Variants in TRDMT1 observed in about 807,000 individuals in gnomAD.
The protein encoded by TRDMT1 is tRNA aspartic acid methyltransferase 1.
TRDMT1 carries 49 observed loss-of-function variants against 51.2 expected under a neutral mutation model. The ratio of observed to expected loss-of-function variants is 0.96; its 90% confidence interval spans 0.76 to 1.21. The LOEUF is 1.21. TRDMT1 is among the 50% of genes most tolerant of loss of function. TRDMT1 has a pLI of 0.00. For synonymous variants in TRDMT1, 187 were observed against 164.6 expected (o/e 1.14, Z -1.04); for missense variants, 534 against 462.3 (o/e 1.16, Z -1.42).
intron 10 of TRDMT1, chr10:17,151,528 A>G: frequency 1.0e-6 from 1 of 985,386 alleles, no homozygotes; most frequent in Non-Finnish European, 1.2e-6. Flanking sequence ...CACATGAGGG[A>G]CAGTTGTGTC....
chr10:17,142,880 CATT>C lies in TRDMT1; in HGVS notation c.*6157_*6159del. ...AGAATTCTCCTTCTGATTCCTCTTGCATTATTTTATAATTATACTTACCCAGAG... is the reference window on the plus strand; with the variant it reads ...AGAATTCTCCTTCTGATTCCTCTTGCATTTTATAATTATACTTACCCAGAG... On this transcript the variant is annotated 3_prime_UTR_variant, in exon 11 of 11. Coordinates refer to ENST00000377799, the MANE Select transcript of TRDMT1 (RefSeq NM_004412.7). 1.5e-6 allele frequency: 1 copy of C among 686,476 alleles called. No homozygotes were observed. The highest frequency in any genetic ancestry group is 1.8e-6 in the Non-Finnish European group (1 of 556,808). 42.5% of individuals were successfully genotyped at this position (686,476 alleles called of 1,614,324 possible).
In TRDMT1 at chr10:17,147,427, CTA is replaced by C. The variant is rs2131362287; in HGVS notation, c.*1611_*1612del. The C allele has an allele frequency of 2.3e-6, 2 of 856,972 alleles. No homozygotes were observed. Among genetic ancestry groups the C allele is most frequent in the East Asian group, 2.4e-4 (2 of 8,164 alleles). The allele number at this position is 856,972 out of a possible 1,614,324, so 53.1% of individuals were successfully genotyped here. A position where few individuals can be genotyped will look rare whatever the true frequency, so the allele number is the denominator to read the frequency against. ...CATAATGTAAAATTTATCATTTTAA[CTA>C]TTTTTAAATATACAGTTGCAGTGGC... is the stretch of plus-strand genomic sequence containing the variant. On this transcript the variant is annotated 3_prime_UTR_variant, in exon 11 of 11. Coordinates refer to ENST00000377799, the MANE Select transcript of TRDMT1 (RefSeq NM_004412.7).
chr10:17,199,603 G>A (rs1481226609), intron 1 of TRDMT1, among the ~76,000 whole-genome samples: 1 of 152,182 alleles, frequency 6.6e-6, no homozygotes, highest in Admixed American at 6.5e-5. Context: ...AGATAAAATT[G>A]AAGAGAAGAC....
At chr10:17,199,140 T>G (rs1845827556) in intron 1 of TRDMT1, among the ~76,000 whole-genome samples, 1 of 152,222 alleles carries the variant, frequency 6.6e-6, no homozygotes, top group Non-Finnish European at 1.5e-5. Flanking sequence ...GCAATGCATT[T>G]TATTACAGGT....
intron 2 of TRDMT1, among the ~76,000 whole-genome samples, chr10:17,174,042 C>T (rs1842356345): frequency 6.6e-6 from 1 of 152,090 alleles, no homozygotes; most frequent in African/African-American, 2.4e-5. Context: ...GCATTACAGG[C>T]GTCAGCCACC....
At chr10:17,165,041 A>G (rs1174978567) in intron 3 of TRDMT1, among the ~76,000 whole-genome samples, 1 of 152,228 alleles carries the variant, frequency 6.6e-6, no homozygotes, top group Non-Finnish European at 1.5e-5. Context: ...TATGGAACCA[A>G]AAAAGAGCCC....
intron 1 of TRDMT1, 146 bp downstream of exon 1, chr10:17,201,425 G>A: frequency 2.7e-6 from 2 of 733,326 alleles, no homozygotes; most frequent in Non-Finnish European, 4.2e-6. Flanking sequence ...CGCAGGAGCT[G>A]TTTCCAGGAC....
intron 1 of TRDMT1, among the ~76,000 whole-genome samples, chr10:17,184,920 G>A (rs1054473553): frequency 1.3e-5 from 2 of 152,118 alleles, no homozygotes; most frequent in African/African-American, 4.8e-5. Flanking sequence ...TTTAGAATAT[G>A]GATATCTGTT....
chr10:17,173,075 T>A, intron 2 of TRDMT1, among the ~76,000 whole-genome samples: 1 of 152,106 alleles, frequency 6.6e-6, no homozygotes, highest in East Asian at 1.9e-4. Flanking sequence ...TAGTGAAGAA[T>A]AATGAATTTT....
At chr10:17,181,216 G>A (rs1297472831) in intron 1 of TRDMT1, among the ~76,000 whole-genome samples, 1 of 152,176 alleles carries the variant, frequency 6.6e-6, no homozygotes, top group African/African-American at 2.4e-5. Context: ...GGAAGAGAGT[G>A]GTAGTTCCCT....
chr10:17,163,689 C>A (rs1840747907), intron 3 of TRDMT1, among the ~76,000 whole-genome samples: 1 of 152,048 alleles, frequency 6.6e-6, no homozygotes, highest in South Asian at 2.1e-4. Flanking sequence ...GGGGATATCA[C>A]CACCGACCCC....
chr10:17,200,639 CA>C (rs1231394657), intron 1 of TRDMT1: 1 of 163,672 alleles, frequency 6.1e-6, no homozygotes, highest in Non-Finnish European at 1.5e-5. Context: ...TCTGTATCCC[CA>C]GCTCCTAGCA....
chr10:17,190,751 C>A (rs1844586716), intron 1 of TRDMT1, among the ~76,000 whole-genome samples: 1 of 152,162 alleles, frequency 6.6e-6, no homozygotes, highest in Admixed American at 6.5e-5. Context: ...AGCAAGCATG[C>A]CTATAGTTCA....
rs1388373524 is a variant in TRDMT1 at position 17,168,847 on chromosome 10, A to C, written c.245T>G (p.Phe82Cys). ...MILMSPPCQP[F>C]TRIGRQGDMT... is the part of the protein sequence containing the mutation. ...AAATATTTATGACACATACCTTGTG[A>C]ATGGCTGGCAGGGAGGGCTCATTAA... is the stretch of plus-strand genomic sequence containing the variant. The change falls in exon 3 of 11, where the codon TTC becomes TGC. Residue 82 changes from phenylalanine to cysteine, a missense_variant. Physicochemically the swap from Phe to Cys is radical, Grantham distance 205. Coordinates refer to ENST00000377799, the MANE Select transcript of TRDMT1 (RefSeq NM_004412.7). The C allele has an allele frequency of 6.2e-7, 1 of 1,608,430 alleles. No individual in the cohort carries two copies. The highest frequency in any genetic ancestry group is 8.5e-7 in the Non-Finnish European group (1 of 1,175,492).
At chr10:17,159,723 T>G (rs1368070140) in intron 6 of TRDMT1, among the ~76,000 whole-genome samples, 1 of 152,164 alleles carries the variant, frequency 6.6e-6, no homozygotes, top group Non-Finnish European at 1.5e-5. Flanking sequence ...GGGTTTTCTA[T>G]TAATTTCTGG....
At chr10:17,191,498 GA>G (rs1844674564) in intron 1 of TRDMT1, among the ~76,000 whole-genome samples, 1 of 152,176 alleles carries the variant, frequency 6.6e-6, no homozygotes, top group African/African-American at 2.4e-5. Flanking sequence ...GTGAGGCAGA[GA>G]AGGAGGGAGT....
intron 1 of TRDMT1, among the ~76,000 whole-genome samples, chr10:17,178,695 A>G (rs867389386): frequency 2.9e-4 from 44 of 150,662 alleles, no homozygotes; most frequent in African/African-American, 1.0e-3. Context: ...AAAAAAAAAA[A>G]AGTTCTTGCA....
intron 2 of TRDMT1, among the ~76,000 whole-genome samples, chr10:17,174,245 A>G (rs1338838276): frequency 1.3e-5 from 2 of 152,216 alleles, no homozygotes; most frequent in South Asian, 2.1e-4. Context: ...AGTATTTAAT[A>G]AAAGTAAATA....
chr10:17,155,836 C>T (rs545093795), intron 8 of TRDMT1, among the ~76,000 whole-genome samples: 26 of 152,230 alleles, frequency 1.7e-4, no homozygotes, highest in Non-Finnish European at 3.1e-4. Flanking sequence ...TATATACACA[C>T]AGTATCTATA....
Sources: gnomAD v4.1 joint callset for allele counts (sites outside exome capture counted in the v4.1 genomes callset) on GRCh38, gnomAD v4.1.1 for gene constraint, MANE v1.5 for transcripts, NCBI Gene and HGNC (gene_info 2026-07-23, HGNC 2026-07-21) for gene names.